The following CACNA1I variants were observed in gnomAD, a reference collection of about 807,000 sequenced individuals.
The protein encoded by CACNA1I is calcium voltage-gated channel subunit alpha1 I, also known as voltage-dependent T-type calcium channel subunit alpha-1I.
In CACNA1I, 74 loss-of-function variants were observed where a neutral mutation model predicts 201.6. The ratio of observed to expected loss-of-function variants is 0.37; its 90% CI spans 0.30 to 0.45. The LOEUF is 0.45. Among genes scored for constraint, CACNA1I ranks in the 20% least tolerant of loss-of-function variants. The probability of loss-of-function intolerance (pLI) is 1.00; values close to 1 mark genes in which losing one functional copy is unlikely to be tolerated. For missense variants in CACNA1I, 2,346 were observed against 3,138.1 expected (o/e 0.75, Z 6.03); for synonymous variants, 1,431 against 1,345.2 (o/e 1.06, Z -1.40).
At chr22:39,571,304 C>T (rs540534527) in intron 1 of CACNA1I, among the ~76,000 whole-genome samples, 1 of 152,286 alleles carries the variant, frequency 6.6e-6, no homozygotes, top group South Asian at 2.1e-4. Flanking sequence ...GCAGATCAGT[C>T]AGACTCTGGA....
At chr22:39,605,723 G>A (rs1419122658) in intron 3 of CACNA1I, among the ~76,000 whole-genome samples, 1 of 152,186 alleles carries the variant, frequency 6.6e-6, no homozygotes, top group Admixed American at 6.5e-5. Context: ...TGATTGGGGG[G>A]TGTCACTGTA....
intron 3 of CACNA1I, 131 bp from the exon 4 acceptor site, chr22:39,619,179 G>A (rs1277916328): frequency 3.4e-5 from 24 of 700,396 alleles, no homozygotes; most frequent in Non-Finnish European, 5.8e-5. Flanking sequence ...GGTGTAGCTG[G>A]AGATCCGACT....
At chr22:39,622,285 G>A (rs1198028965) in intron 4 of CACNA1I, among the ~76,000 whole-genome samples, 1 of 151,996 alleles carries the variant, frequency 6.6e-6, no homozygotes, top group East Asian at 1.9e-4. Context: ...GGCATGAGGA[G>A]GCAGGGAGAA....
chr22:39,686,003 G>C lies in CACNA1I; in HGVS notation c.6270G>C (p.Gly2090=), dbSNP rs1275087442. ...LRAHQRSHSS[G]GSTSPGCTHH... is the part of the protein sequence containing the mutation. ...CGCATCAGCGCAGCCACAGCAGCGG[G>C]GGCTCCACCAGCCCGGGCTGCACCC... The change falls in exon 37 of 37, where the codon GGG becomes GGC. Residue 2090 remains glycine, a synonymous_variant. Transcript: ENST00000402142. 3.2e-6 allele frequency: 4 copies of C among 1,244,554 alleles called. No homozygotes were observed. In the African/African-American group the frequency reaches 6.3e-5, roughly 20 times the overall value. The allele number at this position is 1,244,554 out of a possible 1,614,324, so 77.1% of individuals were successfully genotyped here. A position where few individuals can be genotyped will look rare whatever the true frequency, so the allele number is the denominator to read the frequency against.
At chr22:39,571,160 CA>C in intron 1 of CACNA1I, 172 bp downstream of exon 1, 1 of 625,214 alleles carries the variant, frequency 1.6e-6, no homozygotes, top group Non-Finnish European at 2.9e-6. Flanking sequence ...GGGGAGACCT[CA>C]AATGGATGAG....
intron 16 of CACNA1I, among the ~76,000 whole-genome samples, 167 bp from the exon 17 acceptor site, chr22:39,661,798 T>G (rs1935019694): frequency 6.6e-6 from 1 of 151,986 alleles, no homozygotes; most frequent in African/African-American, 2.4e-5. Flanking sequence ...GTGGATGGAG[T>G]GAGGTGGGAC....
rs773594735 is a variant in CACNA1I, at chr22:39,634,591, C to T, written c.607C>T (p.Leu203=). The T allele has an allele frequency of 1.2e-6, 2 of 1,613,980 alleles. No individual in the cohort carries two copies. Among genetic ancestry groups the T allele is most frequent in the African/African-American group, 1.3e-5 (1 of 75,030 alleles). The change falls in exon 5 of 37, where the codon CTG becomes TTG. Residue 203 remains leucine (L), a synonymous_variant. Transcript: ENST00000402142. ...PSMRILVNLL[L]DTLPMLGNVL... is the part of the protein sequence containing the mutation. ...TATGCGGATCCTGGTGAACCTGCTC[C>T]TGGACACACTGCCCATGCTGGGGAA...
At chr22:39,627,747 C>T (rs575478737) in intron 4 of CACNA1I, among the ~76,000 whole-genome samples, 85 of 152,334 alleles carry the variant, frequency 5.6e-4, no homozygotes, top group African/African-American at 2.0e-3. Flanking sequence ...ACTGGGCTGT[C>T]AGCCCCCACC....
chr22:39,650,016 G>C (rs1273794817), intron 10 of CACNA1I, 91 bp downstream of exon 10: 1 of 1,372,012 alleles, frequency 7.3e-7, no homozygotes, highest in East Asian at 2.3e-5. Context: ...CCATCTGCCT[G>C]GGTTTGTGTG....
chr22:39,685,941 C>A lies in CACNA1I; in HGVS notation c.6208C>A (p.Arg2070Ser). The A allele has an allele frequency of 7.8e-7, 1 of 1,288,754 alleles. No homozygotes were observed. Among genetic ancestry groups the A allele is most frequent in the Non-Finnish European group, 9.7e-7 (1 of 1,027,718 alleles). 79.8% of individuals were successfully genotyped at this position (1,288,754 alleles called of 1,614,324 possible). ...CGCCGCTCGCCGCCGCCTGAGCCTGCGCGGCCGGGGCCTCTTCAGCCTGCG... is the reference window on the plus strand; with the variant it reads ...CGCCGCTCGCCGCCGCCTGAGCCTGAGCGGCCGGGGCCTCTTCAGCCTGCG... ...SPAARRRLSL[R>S]GRGLFSLRGL... The change falls in exon 37 of 37, where the codon CGC (arginine) becomes AGC (serine). Residue 2070 changes from arginine to serine, a missense_variant. Transcript: ENST00000402142. This position sits in a 1 kb window ranked among gnomAD's most constrained non-coding sequence, Gnocchi z 5.0.
chr22:39,627,151 A>G (rs1447500658), intron 4 of CACNA1I, among the ~76,000 whole-genome samples: 1 of 152,156 alleles, frequency 6.6e-6, no homozygotes, highest in African/African-American at 2.4e-5. Context: ...TCTGCAGGAC[A>G]TCAGGAAACA....
At chr22:39,662,514 C>T (rs528302406) in intron 17 of CACNA1I, 79 bp downstream of exon 17, 15 of 1,147,566 alleles carry the variant, frequency 1.3e-5, no homozygotes, top group South Asian at 1.2e-4. Flanking sequence ...AGGCGGGGCC[C>T]GAGCGGGCGG....
At position 39,679,281 on chromosome 22, in the gene CACNA1I, G is replaced by A. The variant is rs374999113; in HGVS notation, c.5230G>A (p.Ala1744Thr). 4 of 1,575,052 alleles carry A rather than the reference G, an allele frequency of 2.5e-6. No individual in the cohort carries two copies. Among genetic ancestry groups the A allele is most frequent in the African/African-American group, 2.7e-5 (2 of 74,070 alleles). The change falls in exon 32 of 37, where the codon GCC (alanine) becomes ACC (threonine). Residue 1744 changes from alanine to threonine, a missense_variant. This residue lies in a region of CACNA1I where 441 missense variants were observed against 555.6 expected (regional missense o/e 0.79). Transcript: ENST00000402142. ...DDSNKEAQED[A>T]EMDAELELEM... ...CAGCAACAAGGAGGCGCAGGAGGACGCCGAGATGGATGCCGAGCTCGAGCT... is the reference window on the plus strand; with the variant it reads ...CAGCAACAAGGAGGCGCAGGAGGACACCGAGATGGATGCCGAGCTCGAGCT...
rs764898218 is a variant in CACNA1I at position 39,649,935 on chromosome 22, G to C, written c.1992+10G>C. On this transcript the variant is annotated intron_variant, in intron 10 of 36. Coordinates refer to ENST00000402142, the MANE Select transcript of CACNA1I (RefSeq NM_021096.4). The surrounding 1 kb of genome is among the most constrained non-coding windows in gnomAD (Gnocchi z 7.3). ...CGAGCACCACGAGCAGGCCAGTGCA[G>C]CGCAGCCGGGCCGGGCCTGCGGGAG... The C allele has an allele frequency of 8.1e-6, 13 of 1,612,536 alleles. No individual in the cohort carries two copies. The highest frequency in any genetic ancestry group is 1.7e-5 in the Admixed American group (1 of 59,952).
chr22:39,669,768 T>G (rs1403725807), intron 24 of CACNA1I, among the ~76,000 whole-genome samples: 4 of 152,110 alleles, frequency 2.6e-5, no homozygotes, highest in Admixed American at 6.5e-5. Context: ...GGTGAATGAA[T>G]GGATAGGTCA....
chr22:39,681,591 G>C (rs1274211471), intron 34 of CACNA1I, among the ~76,000 whole-genome samples: 1 of 152,176 alleles, frequency 6.6e-6, no homozygotes, highest in Non-Finnish European at 1.5e-5. Flanking sequence ...GACAGAGCAG[G>C]AAGCCACCCC....
intron 2 of CACNA1I, among the ~76,000 whole-genome samples, chr22:39,598,941 G>T (rs1337202580): frequency 1.5e-5 from 1 of 68,264 alleles, no homozygotes. Context: ...TGCCTCTTGG[G>T]TTTTTTTTTT....
intron 1 of CACNA1I, among the ~76,000 whole-genome samples, chr22:39,572,105 G>A (rs1221290247): frequency 1.3e-5 from 2 of 152,136 alleles, no homozygotes; most frequent in Non-Finnish European, 2.9e-5. Context: ...CGGGAGCCCT[G>A]CAGGGCCTTG....
chr22:39,576,149 T>TC (rs1299158446), intron 1 of CACNA1I, among the ~76,000 whole-genome samples: 1 of 152,150 alleles, frequency 6.6e-6, no homozygotes, highest in Non-Finnish European at 1.5e-5. Context: ...CACTTCCTTT[T>TC]CCCCCTCTCT....
Sources: allele counts gnomAD v4.1 joint callset (sites outside exome capture counted in the v4.1 genomes callset), GRCh38; gene constraint gnomAD v4.1.1; regional missense constraint gnomAD v4.1.1; non-coding constraint Gnocchi (gnomAD v3.1); transcripts MANE v1.5; gene names NCBI Gene and HGNC (gene_info 2026-07-23, HGNC 2026-07-21).